Variants in GRIK2 observed in about 807,000 individuals in gnomAD.
GRIK2 encodes the protein glutamate ionotropic receptor kainate type subunit 2.
Under a neutral mutation model 100.3 loss-of-function variants are expected in GRIK2, and 32 were observed. The observed-to-expected ratio is 0.32, with a 90% CI of 0.24 to 0.43. The LOEUF is 0.43. Among genes scored for constraint, GRIK2 ranks in the 20% least tolerant of loss-of-function variants. The pLI is 1.00. For missense variants in GRIK2, 843 were observed against 1,114.9 expected, an observed-to-expected ratio of 0.76 and a Z score of 3.47; for synonymous variants, 417 against 389.4, an observed-to-expected ratio of 1.07 and a Z score of -0.83.
chr6:101,542,222 G>T (rs1014042980), intron 2 of GRIK2, among the ~76,000 whole-genome samples: 1 of 151,762 alleles, frequency 6.6e-6, no homozygotes, highest in Non-Finnish European at 1.5e-5. Context: ...AGCTTTGAGA[G>T]ATTTTTCTTG....
chr6:101,608,632 A>C (rs1373214901), intron 2 of GRIK2, among the ~76,000 whole-genome samples: 1 of 151,934 alleles, frequency 6.6e-6, no homozygotes, highest in African/African-American at 2.4e-5. Flanking sequence ...TTCAACATGG[A>C]GTAAATGCAC....
At position 101,470,061 on chromosome 6, in the gene GRIK2, G is replaced by A. The variant is rs116044193; in HGVS notation, c.115+70669G>A. On this transcript the variant is annotated intron_variant, in intron 2 of 16. Transcript: ENST00000369134. The stretch of plus-strand genomic sequence containing the variant: ...TACAAGTTCTTAAGTGGCTCTGTGG[G>A]GCCTTCCTATTGGACAGTCCCTTGA... Among the ~76,000 whole-genome samples, 712 of 152,176 alleles carry A rather than the reference G, an allele frequency of 4.7e-3. 7 individuals are homozygous for A. Among genetic ancestry groups the A allele is most frequent in the African/African-American group, 0.016 (675 of 41,532 alleles).
intron 15 of GRIK2, among the ~76,000 whole-genome samples, chr6:102,053,111 C>CACAT (rs1486843412): frequency 1.3e-5 from 2 of 151,852 alleles, no homozygotes; most frequent in Non-Finnish European, 1.5e-5. Context: ...CACACACACA[C>CACAT]ACATACATAC....
At chr6:101,925,873 G>C (rs1457572958) in intron 13 of GRIK2, among the ~76,000 whole-genome samples, 1 of 151,864 alleles carries the variant, frequency 6.6e-6, no homozygotes, top group East Asian at 1.9e-4. Flanking sequence ...ATTCATTACT[G>C]TTTCATTTAT....
intron 14 of GRIK2, among the ~76,000 whole-genome samples, chr6:101,971,160 A>G (rs961938644): frequency 1.4e-5 from 2 of 144,522 alleles, no homozygotes; most frequent in African/African-American, 5.8e-5. Context: ...CAGAAAGCCA[A>G]TGAGATATAT....
intron 14 of GRIK2, among the ~76,000 whole-genome samples, chr6:101,972,024 C>A: frequency 6.6e-6 from 1 of 151,912 alleles, no homozygotes; most frequent in East Asian, 1.9e-4. Context: ...GATTCTATGT[C>A]TTTGCTATTG....
chr6:101,450,809 G>A (rs913956317), intron 2 of GRIK2, among the ~76,000 whole-genome samples: 2 of 151,848 alleles, frequency 1.3e-5, no homozygotes, highest in Non-Finnish European at 2.9e-5. Context: ...GAGAGAGGAA[G>A]AAATGGTAGG....
At chr6:101,761,245 C>T (rs1006315383) in intron 7 of GRIK2, among the ~76,000 whole-genome samples, 2 of 152,048 alleles carry the variant, frequency 1.3e-5, no homozygotes, top group East Asian at 1.9e-4. Context: ...ATGTGAATTG[C>T]TGGGTGGCCT....
At chr6:101,504,030 C>G (rs745517413) in intron 2 of GRIK2, among the ~76,000 whole-genome samples, 4 of 152,096 alleles carry the variant, frequency 2.6e-5, no homozygotes, top group South Asian at 2.1e-4. Flanking sequence ...CCAGATATTT[C>G]TAAATACTAC....
At chr6:101,793,870 A>C (rs147396630) in intron 7 of GRIK2, among the ~76,000 whole-genome samples, 1 of 152,090 alleles carries the variant, frequency 6.6e-6, no homozygotes, top group Non-Finnish European at 1.5e-5. Context: ...CACCCAGTTC[A>C]AGCTTCCTGG....
intron 2 of GRIK2, among the ~76,000 whole-genome samples, chr6:101,608,071 A>T (rs981146490): frequency 6.6e-6 from 1 of 151,868 alleles, no homozygotes; most frequent in African/African-American, 2.4e-5. Context: ...ATTACTGGTT[A>T]GTACTTGGTT....
chr6:101,685,225 T>C (rs760655423), intron 6 of GRIK2, among the ~76,000 whole-genome samples: 1 of 152,192 alleles, frequency 6.6e-6, no homozygotes, highest in Non-Finnish European at 1.5e-5. Flanking sequence ...CTTGGCTAGA[T>C]TGTAAACATT....
intron 11 of GRIK2, among the ~76,000 whole-genome samples, chr6:101,868,289 C>T (rs1785177540): frequency 1.3e-5 from 2 of 150,258 alleles, no homozygotes; most frequent in Non-Finnish European, 3.0e-5. Context: ...AATTTCATCG[C>T]TCAAACAAAA....
intron 4 of GRIK2, among the ~76,000 whole-genome samples, chr6:101,668,333 G>A (rs1770183572): frequency 6.6e-6 from 1 of 152,086 alleles, no homozygotes; most frequent in African/African-American, 2.4e-5. Context: ...TTGGAGATTG[G>A]ATTTTGTTTC....
chr6:101,760,726 T>TTATATAATTATATATTTAATTATATTTAA lies in GRIK2; in HGVS notation c.952-38897_952-38896insTTAATATATAATTATATATTTAATTATAT, dbSNP rs1777589948. ...TAATTATATATTTAATTATATTTAA[T>TTATATAATTATATATTTAATTATATTTAA]TATATAATTATATATTTAATTATAT... is the stretch of plus-strand genomic sequence containing the variant. On this transcript the variant is annotated intron_variant, in intron 7 of 16. Transcript: ENST00000369134. 2.6e-5 allele frequency among the ~76,000 whole-genome samples: 2 copies of TTATATAATTATATATTTAATTATATTTAA among 77,050 alleles called. 1 individual carries two copies. Among genetic ancestry groups the TTATATAATTATATATTTAATTATATTTAA allele is most frequent in the East Asian group, 3.8e-3 (2 of 524 alleles). The allele number at this position is 77,050 out of a possible 152,430, so 50.5% of individuals were successfully genotyped here.
At chr6:101,434,113 C>T (rs553831313) in intron 2 of GRIK2, among the ~76,000 whole-genome samples, 10 of 152,302 alleles carry the variant, frequency 6.6e-5, no homozygotes, top group Admixed American at 2.0e-4. Context: ...TAGACACTAA[C>T]GTGCAAATAA....
chr6:101,674,238 G>A (rs1439838693), intron 4 of GRIK2, among the ~76,000 whole-genome samples: 1 of 152,154 alleles, frequency 6.6e-6, no homozygotes. Context: ...TTATGACCAA[G>A]AAGGTCATCT....
chr6:101,856,069 G>A (rs561142771), intron 10 of GRIK2, among the ~76,000 whole-genome samples: 6 of 152,302 alleles, frequency 3.9e-5, no homozygotes, highest in Non-Finnish European at 5.9e-5. Flanking sequence ...AGAGCAAGTG[G>A]TAGAACAACA....
intron 7 of GRIK2, among the ~76,000 whole-genome samples, chr6:101,746,878 G>A (rs1776451670): frequency 6.6e-6 from 1 of 152,030 alleles, no homozygotes; most frequent in Non-Finnish European, 1.5e-5. Context: ...GGAGGACAAA[G>A]GTATTTTCTG....
Sources: allele counts gnomAD v4.1 joint callset (sites outside exome capture counted in the v4.1 genomes callset), GRCh38; gene constraint gnomAD v4.1.1; transcripts MANE v1.5; gene names NCBI Gene and HGNC (gene_info 2026-07-23, HGNC 2026-07-21).